TSPEAR: variants seen among roughly 807,000 people sequenced by gnomAD.
The protein encoded by TSPEAR is thrombospondin type laminin G domain and EAR repeats.
A neutral mutation model predicts 71.6 loss-of-function variants in TSPEAR; 69 were observed. The observed-to-expected ratio is 0.96, with a 90% confidence interval of 0.79 to 1.18. The LOEUF is 1.18. TSPEAR is among the 50% of genes most tolerant of loss of function. TSPEAR has a pLI of 0.00. For missense variants in TSPEAR, 971 were observed against 894.9 expected, an observed-to-expected ratio of 1.09 and a Z score of -1.09; for synonymous variants, 402 against 387.2, an observed-to-expected ratio of 1.04 and a Z score of -0.45.
chr21:44,544,378 G>C (rs1320044767), intron 2 of TSPEAR, among the ~76,000 whole-genome samples: 9 of 152,178 alleles, frequency 5.9e-5, no homozygotes, highest in African/African-American at 2.2e-4. Context: ...AAATTTGTGG[G>C]ATGATGAGAG....
chr21:44,579,654 A>C, intron 1 of TSPEAR: 1 of 1,404,358 alleles, frequency 7.1e-7, no homozygotes, highest in Non-Finnish European at 9.6e-7. Flanking sequence ...TCACCTCAGC[A>C]CATGGGGGCC....
chr21:44,508,629 C>T, intron 10 of TSPEAR: 21 of 1,186,034 alleles, frequency 1.8e-5, no homozygotes, highest in Non-Finnish European at 2.2e-5. Context: ...CACGCAACCT[C>T]CTGTGGCTCC....
intron 10 of TSPEAR, among the ~76,000 whole-genome samples, chr21:44,507,276 C>T (rs1452206777): frequency 6.6e-6 from 1 of 152,158 alleles, no homozygotes; most frequent in Non-Finnish European, 1.5e-5. Context: ...CATGGCTGCA[C>T]ATATCTGTGG....
intron 9 of TSPEAR, chr21:44,518,743 G>C (rs1364704238): frequency 6.4e-6 from 3 of 467,328 alleles, no homozygotes; most frequent in African/African-American, 6.0e-5. Flanking sequence ...AAAGCCTCAA[G>C]TCCTGCAACT....
At chr21:44,702,137 C>G in intron 1 of TSPEAR, 6 of 1,229,592 alleles carry the variant, frequency 4.9e-6, no homozygotes, top group Non-Finnish European at 6.7e-6. Context: ...CACATGAGCA[C>G]AGGGGTGGAG....
At position 44,506,576 on chromosome 21, in the gene TSPEAR, C is replaced by T. The variant is rs1181668504; in HGVS notation, c.1755-1695G>A. On this transcript the variant is annotated intron_variant, in intron 10 of 11. Coordinates refer to ENST00000323084, the MANE Select transcript of TSPEAR (RefSeq NM_144991.3). The surrounding 1 kb of genome is among the most constrained non-coding windows in gnomAD (Gnocchi z 4.2). ...CCCATGGGGCCTTGGGCTCCTCACTCCTTCGGTCAGTCAGGGTGACATCTG... is the reference window on the plus strand; with the variant it reads ...CCCATGGGGCCTTGGGCTCCTCACTTCTTCGGTCAGTCAGGGTGACATCTG... Among the ~76,000 whole-genome samples the T allele has an allele frequency of 6.6e-6, 1 of 152,220 alleles. No individual in the cohort carries two copies. The highest frequency in any genetic ancestry group is 6.5e-5 in the Admixed American group (1 of 15,290).
intron 11 of TSPEAR, 114 bp downstream of exon 11, chr21:44,504,666 C>T (rs1313629156): frequency 3.3e-5 from 13 of 388,076 alleles, no homozygotes; most frequent in East Asian, 1.2e-4. Flanking sequence ...TGGAGGAGGC[C>T]GGCCTCGGTG....
chr21:44,589,351 C>T (rs782036168), intron 1 of TSPEAR, among the ~76,000 whole-genome samples: 2 of 152,268 alleles, frequency 1.3e-5, no homozygotes, highest in Middle Eastern at 6.8e-3. Context: ...GCTTTGTCCT[C>T]TGATGGACAT....
intron 1 of TSPEAR, among the ~76,000 whole-genome samples, chr21:44,579,059 C>T (rs782332552): frequency 1.2e-4 from 18 of 152,192 alleles, no homozygotes; most frequent in Non-Finnish European, 2.2e-4. Context: ...TGCTGCTAAG[C>T]GGGCAGAACT....
intron 1 of TSPEAR, among the ~76,000 whole-genome samples, chr21:44,649,862 G>A (rs990290244): frequency 6.6e-6 from 1 of 152,176 alleles, no homozygotes; most frequent in East Asian, 1.9e-4. Flanking sequence ...CTGACGCACA[G>A]AGGAACCCAG....
intron 9 of TSPEAR, among the ~76,000 whole-genome samples, chr21:44,512,138 C>T (rs952282980): frequency 5.9e-5 from 9 of 152,314 alleles, no homozygotes; most frequent in South Asian, 2.1e-4. Flanking sequence ...GAGGGCTGGG[C>T]GCACACAGAG....
At chr21:44,611,633 G>T (rs868990141) in intron 1 of TSPEAR, among the ~76,000 whole-genome samples, 2 of 152,166 alleles carry the variant, frequency 1.3e-5, no homozygotes, top group South Asian at 2.1e-4. Context: ...TCCTAGCCGA[G>T]ACACCCATTG....
At chr21:44,689,712 A>AATGAATGAATATATATATATATAT (rs781858508) in intron 1 of TSPEAR, among the ~76,000 whole-genome samples, 1 of 62,038 alleles carries the variant, frequency 1.6e-5, no homozygotes, top group East Asian at 4.6e-4. Context: ...GAATAGAATG[A>AATGAATGAATATATATATATATAT]ATATATATAT....
chr21:44,552,890 TC>T (rs1265308214), intron 2 of TSPEAR, among the ~76,000 whole-genome samples: 1 of 152,162 alleles, frequency 6.6e-6, no homozygotes, highest in East Asian at 1.9e-4. Flanking sequence ...CTGTGAAGAC[TC>T]AGCTCCCGAC....
At position 44,661,642 on chromosome 21, in the gene TSPEAR, G is replaced by A. The variant is rs181493969; in HGVS notation, c.82+49791C>T. Among the ~76,000 whole-genome samples the A allele has an allele frequency of 3.9e-5, 6 of 152,318 alleles. No homozygotes were observed. The East Asian group carries it at 1.2e-3, about 29-fold the overall frequency. ...GGCTCACAGTTCTGCAAGCTGTACA[G>A]GAAGCATAATACTGGCATCTGCTCA... On this transcript the variant is annotated intron_variant, in intron 1 of 11. Coordinates refer to ENST00000323084, the MANE Select transcript of TSPEAR (RefSeq NM_144991.3).
At chr21:44,539,076 G>C in intron 2 of TSPEAR, 4 of 704,642 alleles carry the variant, frequency 5.7e-6, no homozygotes, top group Non-Finnish European at 9.2e-6. Flanking sequence ...CTGGGAGGGA[G>C]GACAGGGGAC....
intron 2 of TSPEAR, chr21:44,551,370 G>T (rs1296026201): frequency 1.2e-6 from 2 of 1,613,132 alleles, no homozygotes; most frequent in Non-Finnish European, 1.7e-6. Flanking sequence ...GGTGCCGCAG[G>T]GGAGCTCACA....
At chr21:44,683,213 T>C (rs1220998810) in intron 1 of TSPEAR, among the ~76,000 whole-genome samples, 1 of 152,056 alleles carries the variant, frequency 6.6e-6, no homozygotes, top group Admixed American at 6.5e-5. Flanking sequence ...TTCCAAGTTG[T>C]AGATGCTTCC....
chr21:44,649,581 A>G (rs1374942501), intron 1 of TSPEAR, among the ~76,000 whole-genome samples: 1 of 152,150 alleles, frequency 6.6e-6, no homozygotes, highest in Non-Finnish European at 1.5e-5. Flanking sequence ...CACGCATGCC[A>G]CAGGGACCAA....
Sources: gnomAD v4.1 joint callset for allele counts (sites outside exome capture counted in the v4.1 genomes callset) on GRCh38, gnomAD v4.1.1 for gene constraint, Gnocchi (gnomAD v3.1) non-coding constraint, MANE v1.5 for transcripts, NCBI Gene and HGNC (gene_info 2026-07-23, HGNC 2026-07-21) for gene names.